The following KDM4C variants were observed in gnomAD, a reference collection of about 807,000 sequenced individuals.
KDM4C encodes the protein lysine demethylase 4C, also known as lysine-specific demethylase 4C.
A neutral mutation model predicts 129.3 loss-of-function variants in KDM4C; 81 were observed. That is an observed-to-expected ratio of 0.63 (90% confidence interval 0.52 to 0.75). KDM4C has a LOEUF of 0.75. Among genes scored for constraint, KDM4C ranks in the 30% least tolerant of loss-of-function variants. KDM4C has a pLI of 0.00. For synonymous variants in KDM4C, 573 were observed against 456.1 expected, an observed-to-expected ratio of 1.26 and a Z score of -3.26; for missense variants, 1,457 against 1,304.0, an observed-to-expected ratio of 1.12 and a Z score of -1.81.
intron 17 of KDM4C, among the ~76,000 whole-genome samples, chr9:7,087,384 C>G (rs915647199): frequency 6.6e-6 from 1 of 151,992 alleles, no homozygotes; most frequent in Non-Finnish European, 1.5e-5. Flanking sequence ...CTTCATCTAT[C>G]TGAGATACAT....
At chr9:6,806,450 C>G (rs148869708) in intron 3 of KDM4C, among the ~76,000 whole-genome samples, 3 of 151,852 alleles carry the variant, frequency 2.0e-5, no homozygotes, top group African/African-American at 7.3e-5. Flanking sequence ...GCCGAGATCA[C>G]GCCATTGCAC....
intron 1 of KDM4C, among the ~76,000 whole-genome samples, chr9:6,728,833 G>A (rs1235225266): frequency 3.3e-5 from 5 of 150,988 alleles, no homozygotes; most frequent in African/African-American, 4.9e-5. Flanking sequence ...GTGACAGAGC[G>A]AGACTCCATC....
chr9:6,814,716 G>A lies in KDM4C; in HGVS notation c.406G>A (p.Ala136Thr), dbSNP rs959673414. The A allele has an allele frequency of 6.2e-7, 1 of 1,608,882 alleles. No individual in the cohort carries two copies. The highest frequency in any genetic ancestry group is 1.1e-5 in the South Asian group (1 of 90,592). The part of the protein sequence containing the change: ...NLTFVAPIYG[A>T]DINGSIYDEG... ...AACTTTTGTGGCACCTATCTATGGT[G>A]CAGATATTAATGGGAGCATATATGA... Residue 136 changes from alanine (A) to threonine (T), a missense_variant, in exon 4 of 22, where the codon GCA (alanine) becomes ACA (threonine). Transcript: ENST00000381309.
intron 1 of KDM4C, among the ~76,000 whole-genome samples, chr9:6,761,227 T>C (rs1380384927): frequency 6.6e-6 from 1 of 152,042 alleles, no homozygotes; most frequent in African/African-American, 2.4e-5. Context: ...CAGGCTGGTC[T>C]CGAACTCCTG....
intron 15 of KDM4C, among the ~76,000 whole-genome samples, chr9:7,019,500 G>A (rs1051879835): frequency 2.0e-5 from 3 of 151,388 alleles, no homozygotes; most frequent in African/African-American, 4.9e-5. Flanking sequence ...CATCAGGAAC[G>A]TAAAATATTC....
intron 8 of KDM4C, among the ~76,000 whole-genome samples, chr9:6,967,927 A>T (rs888344574): frequency 2.0e-5 from 3 of 152,208 alleles, no homozygotes; most frequent in Non-Finnish European, 4.4e-5. Context: ...TTCCAACATT[A>T]GTAAAGTAGG....
chr9:6,750,848 A>T (rs1001825954), intron 1 of KDM4C, among the ~76,000 whole-genome samples: 1 of 152,168 alleles, frequency 6.6e-6, no homozygotes, highest in African/African-American at 2.4e-5. Context: ...GCTGACAGTT[A>T]ACTGCTGGTT....
At chr9:6,927,089 TTCTATCTATCTATCTATCTATCTATCTA>T (rs34242647) in intron 8 of KDM4C, among the ~76,000 whole-genome samples, 2 of 145,200 alleles carry the variant, frequency 1.4e-5, no homozygotes, top group East Asian at 2.0e-4. Context: ...AAAAAAAATT[TTCTATCTATCTATCTATCTATCTATCTA>T]TCTATCTATC....
intron 17 of KDM4C, among the ~76,000 whole-genome samples, chr9:7,061,132 G>A (rs996808011): frequency 2.0e-5 from 3 of 152,058 alleles, no homozygotes; most frequent in African/African-American, 4.8e-5. Context: ...AATTTGCTTC[G>A]GTCAGTTGCA....
intron 1 of KDM4C, among the ~76,000 whole-genome samples, chr9:6,731,274 T>G (rs989415218): frequency 1.3e-4 from 19 of 151,988 alleles, no homozygotes; most frequent in Non-Finnish European, 2.6e-4. Flanking sequence ...TTCCTTAAAG[T>G]CTTCATTTGA....
At position 6,844,897 on chromosome 9, in the gene KDM4C, A is replaced by C. The variant is rs1297531264; in HGVS notation, c.436-4610A>C. Among the ~76,000 whole-genome samples, 5 of 152,198 alleles carry C rather than the reference A, an allele frequency of 3.3e-5. No individual in the cohort carries two copies. The East Asian group carries it at 9.7e-4, about 29-fold the overall frequency. On this transcript the variant is annotated intron_variant, in intron 4 of 21. Transcript: ENST00000381309. ...GAGATGGGGTTTCACCATGTTGGTCAGCCTGGTCTTGAACTCCTGACCTCA... is the reference window on the plus strand; with the variant it reads ...GAGATGGGGTTTCACCATGTTGGTCCGCCTGGTCTTGAACTCCTGACCTCA...
intron 1 of KDM4C, among the ~76,000 whole-genome samples, chr9:6,779,955 CA>C: frequency 6.6e-6 from 1 of 152,096 alleles, no homozygotes; most frequent in Non-Finnish European, 1.5e-5. Flanking sequence ...GCACTGAATG[CA>C]ATTACTAATT....
At chr9:6,871,560 C>G (rs888530497) in intron 5 of KDM4C, among the ~76,000 whole-genome samples, 3 of 152,126 alleles carry the variant, frequency 2.0e-5, no homozygotes, top group Non-Finnish European at 4.4e-5. Context: ...AAGAAAAACC[C>G]TACTGTCCCA....
chr9:6,760,670 A>G (rs979163015), intron 1 of KDM4C, among the ~76,000 whole-genome samples: 3 of 151,812 alleles, frequency 2.0e-5, no homozygotes. Flanking sequence ...TCCTGGGTTC[A>G]CACCATTCTC....
chr9:7,145,043 G>C (rs1469135116), intron 19 of KDM4C, among the ~76,000 whole-genome samples: 1 of 152,144 alleles, frequency 6.6e-6, no homozygotes, highest in African/African-American at 2.4e-5. Context: ...GGCTGATTGA[G>C]TTAAACCAGC....
upstream of KDM4C, among the ~76,000 whole-genome samples, chr9:6,757,207 G>T (rs1818360504): frequency 6.6e-6 from 1 of 152,176 alleles, no homozygotes; most frequent in Admixed American, 6.5e-5. Flanking sequence ...TCAGACGCTG[G>T]AGGCACCTGC....
At chr9:7,056,108 C>G (rs1048279243) in intron 17 of KDM4C, among the ~76,000 whole-genome samples, 16 of 152,072 alleles carry the variant, frequency 1.1e-4, no homozygotes, top group African/African-American at 3.9e-4. Context: ...GATGAGAAAA[C>G]TTATTGCTTA....
chr9:7,096,428 T>G (rs1698605864), intron 17 of KDM4C, among the ~76,000 whole-genome samples: 1 of 152,212 alleles, frequency 6.6e-6, no homozygotes, highest in Admixed American at 6.5e-5. Flanking sequence ...AGAGGCTGGC[T>G]TGTTTCACCC....
At chr9:7,028,892 C>T (rs1456303773) in intron 15 of KDM4C, among the ~76,000 whole-genome samples, 2 of 151,804 alleles carry the variant, frequency 1.3e-5, no homozygotes, top group South Asian at 2.1e-4. Context: ...TCTCCTGTGC[C>T]ATGTGACCGT....
Sources: allele counts gnomAD v4.1 joint callset (sites outside exome capture counted in the v4.1 genomes callset), GRCh38; gene constraint gnomAD v4.1.1; transcripts MANE v1.5; gene names NCBI Gene and HGNC (gene_info 2026-07-23, HGNC 2026-07-21).